The following C1R variants were observed in gnomAD, a reference collection of about 807,000 sequenced individuals.
The protein encoded by C1R is complement C1r.
A neutral mutation model predicts 27.6 loss-of-function variants in C1R; 15 were observed. That is an observed-to-expected ratio of 0.54 (90% CI 0.36 to 0.84). C1R has a LOEUF of 0.84. Ranked by LOEUF, C1R falls within the 40% of genes least tolerant of loss-of-function variation. The pLI is 0.01. For missense variants in C1R, 544 were observed against 577.9 expected, an observed-to-expected ratio of 0.94 and a Z score of 0.60; for synonymous variants, 253 against 228.8, an observed-to-expected ratio of 1.11 and a Z score of -0.95.
At position 7,090,041 on chromosome 12, in the gene C1R, TG is replaced by T. The variant is rs1565631177; in HGVS notation, c.424+14del. ...GCTGAGGTCAGAGAAAAGGGATCCC[TG>T]GGGGGCTACTCACCCACAGCTTGGT... On this transcript the variant is annotated intron_variant, in intron 3 of 10. Transcript: ENST00000647956. 2 of 764,598 alleles carry T rather than the reference TG, an allele frequency of 2.6e-6. No homozygotes were observed. Among genetic ancestry groups the T allele is most frequent in the Middle Eastern group, 2.3e-4 (1 of 4,376 alleles). 47.4% of individuals were successfully genotyped at this position (764,598 alleles called of 1,614,324 possible).
Position 7,080,550 on chromosome 12 carries a change from C to A in C1R, c.2100G>T (p.Glu700Asp), listed in dbSNP as rs142443527. ...VLNYVDWIKKEMEEED is the reference protein window; with the variant it reads ...VLNYVDWIKKDMEEED The stretch of plus-strand genomic sequence containing the variant: ...TCTGGGCTCAGTCCTCCTCCTCCAT[C>A]TCTTTCTTGATCCAGTCCACGTAGT... Residue 700 changes from glutamate to aspartate, a missense_variant, in exon 11 of 11, where the codon GAG becomes GAT. This residue lies in a region of C1R where 253 missense variants were observed against 368.9 expected (regional missense o/e 0.69). Transcript: ENST00000647956. This position sits in a 1 kb window ranked among gnomAD's most constrained non-coding sequence, Gnocchi z 4.9. 2.5e-6 allele frequency: 4 copies of A among 1,572,596 alleles called. No homozygotes were observed. The highest frequency in any genetic ancestry group is 3.5e-6 in the Non-Finnish European group (4 of 1,155,802).
chr12:7,081,789 TG>T (rs1206031920), intron 10 of C1R, among the ~76,000 whole-genome samples: 1 of 152,062 alleles, frequency 6.6e-6, no homozygotes, highest in African/African-American at 2.4e-5. Context: ...CACCACGTCT[TG>T]CCCCTTGTTC....
rs915692843 is a variant in C1R at position 7,081,951 on chromosome 12, C to T, written c.1348+81G>A. On this transcript the variant is annotated intron_variant, in intron 10 of 10. Transcript: ENST00000647956. ...TGTTCCCCTCTTCTCTCCTCTCTCT[C>T]CTTTTTCTGGGCCACACTGCTTTTG... 8.4e-6 allele frequency: 10 copies of T among 1,192,672 alleles called. No individual in the cohort carries two copies. In the African/African-American group the frequency reaches 1.1e-4, roughly 13 times the overall value. The allele number at this position is 1,192,672 out of a possible 1,614,324, so 73.9% of individuals were successfully genotyped here. A position where few individuals can be genotyped will look rare whatever the true frequency, so the allele number is the denominator to read the frequency against.
chr12:7,091,318 C>A lies in C1R; in HGVS notation c.231+134G>T. ...AGTGAGCGCCCATCCAGGGCATCCC[C>A]GGGCTCTCAGAGAGGCCGTTGGCCA... On this transcript the variant is annotated intron_variant, in intron 2 of 10. Coordinates refer to ENST00000647956, the MANE Select transcript of C1R (RefSeq NM_001733.7). The surrounding 1 kb of genome is among the most constrained non-coding windows in gnomAD (Gnocchi z 5.1). 1.5e-6 allele frequency: 1 copy of A among 649,406 alleles called. No individual in the cohort carries two copies. Among genetic ancestry groups the A allele is most frequent in the Non-Finnish European group, 2.7e-6 (1 of 364,582 alleles). 40.2% of individuals were successfully genotyped at this position (649,406 alleles called of 1,614,324 possible).
chr12:7,092,186 T>C, intron 1 of C1R: 1 of 638,296 alleles, frequency 1.6e-6, no homozygotes, highest in East Asian at 2.7e-5. Context: ...GACCATGGCA[T>C]GAGCATCTAT....
At position 7,091,527 on chromosome 12, in the gene C1R, C is replaced by T. The variant is rs373223572; in HGVS notation, c.156G>A (p.Thr52=). The change falls in exon 2 of 11, where the codon ACG becomes ACA. Residue 52 remains threonine, a synonymous_variant. Coordinates refer to ENST00000647956, the MANE Select transcript of C1R (RefSeq NM_001733.7). The surrounding 1 kb of genome is among the most constrained non-coding windows in gnomAD (Gnocchi z 5.1). ...FETTTVITVP[T]GYRVKLVFQQ... ...GGAAGACGAGCTTCACCCTGTATCCCGTGGGGACTGTGATCACAGTGGTTG... is the reference window on the plus strand; with the variant it reads ...GGAAGACGAGCTTCACCCTGTATCCTGTGGGGACTGTGATCACAGTGGTTG... 7.6e-5 allele frequency: 59 copies of T among 778,622 alleles called. No individual in the cohort carries two copies. The highest frequency in any genetic ancestry group is 2.6e-4 in the South Asian group (19 of 74,048). 48.2% of individuals were successfully genotyped at this position (778,622 alleles called of 1,614,324 possible).
At chr12:7,081,755 A>G (rs1938068676) in intron 10 of C1R, among the ~76,000 whole-genome samples, 1 of 152,024 alleles carries the variant, frequency 6.6e-6, no homozygotes, top group African/African-American at 2.4e-5. Flanking sequence ...GACCTCCCAA[A>G]GTGCTGGGAT....
intron 5 of C1R, 58 bp downstream of exon 5, chr12:7,089,235 G>A (rs1938209884): frequency 1.2e-5 from 9 of 748,546 alleles, no homozygotes; most frequent in South Asian, 8.5e-5. Flanking sequence ...TGGGACAAGA[G>A]GAGCCAAGTG....
In C1R at chr12:7,088,743, A is replaced by G. The variant is rs1938196357; in HGVS notation, c.917-12T>C. On this transcript the variant is annotated splice_polypyrimidine_tract_variant and intron_variant, in intron 6 of 10. Coordinates refer to ENST00000647956, the MANE Select transcript of C1R (RefSeq NM_001733.7). Reference sequence around the variant, plus strand: ...GGGGCACTTGATGACTGTTGGGGAGACCAGGGGGCATATTTATTTCAGAGC... The same window carrying G: ...GGGGCACTTGATGACTGTTGGGGAGGCCAGGGGGCATATTTATTTCAGAGC... 1 of 776,548 alleles carries G rather than the reference A, an allele frequency of 1.3e-6. No homozygotes were observed. The highest frequency in any genetic ancestry group is 1.4e-5 in the South Asian group (1 of 73,628). 48.1% of individuals were successfully genotyped at this position (776,548 alleles called of 1,614,324 possible). A position where few individuals can be genotyped will look rare whatever the true frequency, so the allele number is the denominator to read the frequency against.
rs1938269109 is a variant in C1R, at chr12:7,091,363, G to C, written c.231+89C>G. 7.3e-6 allele frequency: 5 copies of C among 683,238 alleles called. No homozygotes were observed. Among genetic ancestry groups the C allele is most frequent in the Non-Finnish European group, 1.3e-5 (5 of 376,626 alleles). The allele number at this position is 683,238 out of a possible 1,614,324, so 42.3% of individuals were successfully genotyped here. On this transcript the variant is annotated intron_variant, in intron 2 of 10. Transcript: ENST00000647956. This position sits in a 1 kb window ranked among gnomAD's most constrained non-coding sequence, Gnocchi z 5.1. ...TGGCCATCAGCTCTTGTGGGGCTGG[G>C]CTGTGTCTGGGGGTGTGCATGCCAT...
In C1R at chr12:7,087,751, GTTTC is replaced by G. The variant is rs1467896803; in HGVS notation, c.1038+855_1038+858del. The stretch of plus-strand genomic sequence containing the variant: ...CCACAAAGGCTGTGTGACTATGTGG[GTTTC>G]TTTTTACTGAACCTCCCACATCTAG... On this transcript the variant is annotated intron_variant, in intron 7 of 10. Coordinates refer to ENST00000647956, the MANE Select transcript of C1R (RefSeq NM_001733.7). 3.9e-5 allele frequency: 6 copies of G among 154,488 alleles called. No individual in the cohort carries two copies. In the East Asian group the frequency reaches 1.2e-3, roughly 30 times the overall value. The allele number at this position is 154,488 out of a possible 1,614,324, so 9.6% of individuals were successfully genotyped here. A position where few individuals can be genotyped will look rare whatever the true frequency, so the allele number is the denominator to read the frequency against.
At chr12:7,085,032 G>T (rs1938123147) in intron 9 of C1R, among the ~76,000 whole-genome samples, 1 of 147,984 alleles carries the variant, frequency 6.8e-6, no homozygotes, top group African/African-American at 2.6e-5. Flanking sequence ...AATGGTGGTG[G>T]TGATCATGGT....
intron 9 of C1R, among the ~76,000 whole-genome samples, chr12:7,084,884 G>A (rs1489718923): frequency 6.7e-6 from 1 of 149,460 alleles, no homozygotes; most frequent in African/African-American, 2.6e-5. Flanking sequence ...AGTGATCATG[G>A]TAGTGGTGAC....
At position 7,085,931 on chromosome 12, in the gene C1R, A is replaced by T; in HGVS notation, c.1203T>A (p.Arg401=). 1 of 398,646 alleles carries T rather than the reference A, an allele frequency of 2.5e-6. No homozygotes were observed. The highest frequency in any genetic ancestry group is 4.4e-6 in the Non-Finnish European group (1 of 226,074). The allele number at this position is 398,646 out of a possible 1,614,324, so 24.7% of individuals were successfully genotyped here. The stretch of plus-strand genomic sequence containing the variant: ...ATGGCTCATGGCAGTAGTACTGGAT[A>T]CGGGCCTTGTAGGTGTTCACTCCCA... The part of the protein sequence containing the change: ...TTMGVNTYKA[R]IQYYCHEPYY... The change falls in exon 9 of 11, where the codon CGT becomes CGA. Residue 401 remains arginine, a synonymous_variant. Transcript: ENST00000647956.
chr12:7,091,214 T>G lies in C1R; in HGVS notation c.231+238A>C. The stretch of plus-strand genomic sequence containing the variant: ...GGGAAGGTTTTCCTGACTCAGTGGA[T>G]GTTGAATTTCCTGAGTGGGTCCTGT... On this transcript the variant is annotated intron_variant, in intron 2 of 10. Transcript: ENST00000647956. The surrounding 1 kb of genome is among the most constrained non-coding windows in gnomAD (Gnocchi z 5.1). 2.0e-6 allele frequency: 1 copy of G among 509,514 alleles called. No individual in the cohort carries two copies. Among genetic ancestry groups the G allele is most frequent in the Non-Finnish European group, 3.4e-6 (1 of 291,292 alleles). The allele number at this position is 509,514 out of a possible 1,614,324, so 31.6% of individuals were successfully genotyped here. A position where few individuals can be genotyped will look rare whatever the true frequency, so the allele number is the denominator to read the frequency against.
chr12:7,085,294 A>AGTGGTGATG (rs1212698067), intron 9 of C1R, among the ~76,000 whole-genome samples: 32 of 123,430 alleles, frequency 2.6e-4, no homozygotes, highest in Non-Finnish European at 4.2e-4. Flanking sequence ...TGGTAATGAT[A>AGTGGTGATG]GTGGTGATGG....
At position 7,089,717 on chromosome 12, in the gene C1R, A is replaced by G. The variant is rs934242210; in HGVS notation, c.441T>C (p.Ala147=). Reference sequence around the variant, plus strand: ...CCTCCTCCCCTGATTTGCTCCGGGAAGCACATTCATCAAGGTCTGGAAGGC... The same window carrying G: ...CCTCCTCCCCTGATTTGCTCCGGGAGGCACATTCATCAAGGTCTGGAAGGC... The part of the protein sequence containing the change: ...YYQAVDLDEC[A]SRSKSGEEDP... Residue 147 remains alanine, a synonymous_variant, in exon 4 of 11, where the codon GCT becomes GCC. Coordinates refer to ENST00000647956, the MANE Select transcript of C1R (RefSeq NM_001733.7). The G allele has an allele frequency of 1.3e-6, 1 of 780,756 alleles. No homozygotes were observed. Among genetic ancestry groups the G allele is most frequent in the African/African-American group, 1.7e-5 (1 of 59,158 alleles). 48.4% of individuals were successfully genotyped at this position (780,756 alleles called of 1,614,324 possible). A position where few individuals can be genotyped will look rare whatever the true frequency, so the allele number is the denominator to read the frequency against.
At chr12:7,081,557 A>G (rs1295909139) in intron 10 of C1R, among the ~76,000 whole-genome samples, 2 of 149,056 alleles carry the variant, frequency 1.3e-5, no homozygotes, top group African/African-American at 2.5e-5. Flanking sequence ...CAGTGGCGCG[A>G]TTTCAGCTCA....
Position 7,081,140 on chromosome 12 carries a change from G to C in C1R, c.1510C>G (p.Leu504Val). 1 of 1,614,062 alleles carries C rather than the reference G, an allele frequency of 6.2e-7. No individual in the cohort carries two copies. The highest frequency in any genetic ancestry group is 8.5e-7 in the Non-Finnish European group (1 of 1,179,896). The change falls in exon 11 of 11, where the codon CTG becomes GTG. Residue 504 changes from leucine (L) to valine (V), a missense_variant. By Grantham distance (32) the Leu-to-Val change is conservative. This residue lies in a region of C1R where 253 missense variants were observed against 368.9 expected (regional missense o/e 0.69). Transcript: ENST00000647956. The stretch of plus-strand genomic sequence containing the variant: ...TGCGCTTCGTGTTCCTTGGGATACA[G>C]GGTGTGGGCAGCTGTGAGGATCCAG... ...DRWILTAAHT[L>V]YPKEHEAQSN...
Sources: allele counts gnomAD v4.1 joint callset (sites outside exome capture counted in the v4.1 genomes callset), GRCh38; gene constraint gnomAD v4.1.1; regional missense constraint gnomAD v4.1.1; non-coding constraint Gnocchi (gnomAD v3.1); transcripts MANE v1.5; gene names NCBI Gene and HGNC (gene_info 2026-07-23, HGNC 2026-07-21).